The following GALNT13 variants were observed in gnomAD, a reference collection of about 807,000 sequenced individuals.
GALNT13 encodes the protein UDP-GalNAc:polypeptide N-acetylgalactosaminyltransferase 13.
GALNT13 carries 28 observed loss-of-function variants against 64.2 expected under a neutral mutation model. The observed-to-expected ratio is 0.44, with a 90% CI of 0.32 to 0.60. GALNT13 has a LOEUF of 0.60. Ranked by LOEUF, GALNT13 falls within the 20% of genes least tolerant of loss-of-function variation. The pLI, the probability that GALNT13 is intolerant of heterozygous loss-of-function variation, is 0.05. For missense variants in GALNT13, 577 were observed against 669.8 expected (o/e 0.86, Z 1.53); for synonymous variants, 214 against 224.6 (o/e 0.95, Z 0.42).
At chr2:154,319,575 G>C (rs1694511889) in intron 9 of GALNT13, among the ~76,000 whole-genome samples, 1 of 151,330 alleles carries the variant, frequency 6.6e-6, no homozygotes. Context: ...TGAGGCAGGA[G>C]AATCGCTTGA....
At chr2:154,376,192 G>A (rs79712696) in intron 9 of GALNT13, among the ~76,000 whole-genome samples, 1 of 152,052 alleles carries the variant, frequency 6.6e-6, no homozygotes, top group African/African-American at 2.4e-5. Flanking sequence ...AACAGAATGG[G>A]GTGTTTCAGT....
At chr2:153,131,673 T>C in the GALNT13 span, among the ~76,000 whole-genome samples, 4 of 152,192 alleles carry the variant, frequency 2.6e-5, no homozygotes, top group African/African-American at 7.2e-5. Flanking sequence ...ATCTGTTAGC[T>C]TAGGGTCACA....
intron 3 of GALNT13, among the ~76,000 whole-genome samples, chr2:153,996,761 G>C (rs67341405): frequency 0.12 from 18,907 of 152,096 alleles, 1,915 homozygotes; most frequent in African/African-American, 0.27. Context: ...ATTTTGTGAA[G>C]TGTTTCCCCT....
At chr2:153,966,230 T>TC (rs907094803) in intron 3 of GALNT13, among the ~76,000 whole-genome samples, 16 of 150,968 alleles carry the variant, frequency 1.1e-4, no homozygotes, top group African/African-American at 2.4e-5. Context: ...TTTTTTTTTT[T>TC]TTTTTTTTTA....
At chr2:153,651,367 C>T in the GALNT13 span, among the ~76,000 whole-genome samples, 1 of 152,042 alleles carries the variant, frequency 6.6e-6, no homozygotes, top group South Asian at 2.1e-4. Context: ...AGGGTTCATA[C>T]CTAATTATAT....
chr2:154,288,883 C>A (rs1692435470), intron 8 of GALNT13, among the ~76,000 whole-genome samples: 1 of 152,222 alleles, frequency 6.6e-6, no homozygotes, highest in Admixed American at 6.5e-5. Flanking sequence ...GGTGGATCTA[C>A]CATTCTAGGG....
the GALNT13 span, among the ~76,000 whole-genome samples, chr2:153,697,551 A>G: frequency 6.6e-6 from 1 of 152,226 alleles, no homozygotes; most frequent in Non-Finnish European, 1.5e-5. Context: ...AGAGAAAAAT[A>G]TTCTAAACAA....
At chr2:153,567,339 C>G in the GALNT13 span, among the ~76,000 whole-genome samples, 1 of 152,206 alleles carries the variant, frequency 6.6e-6, no homozygotes, top group African/African-American at 2.4e-5. Flanking sequence ...GTGAGGAATT[C>G]TGGATAGACA....
At chr2:154,097,241 C>G (rs1309674458) in intron 3 of GALNT13, among the ~76,000 whole-genome samples, 1 of 151,978 alleles carries the variant, frequency 6.6e-6, no homozygotes, top group Non-Finnish European at 1.5e-5. Context: ...CCAGGAACAT[C>G]TCTGTCCTCG....
the GALNT13 span, among the ~76,000 whole-genome samples, chr2:153,162,752 A>C: frequency 6.6e-6 from 1 of 152,228 alleles, no homozygotes; most frequent in Non-Finnish European, 1.5e-5. Context: ...AAATTCAGAA[A>C]ATGTCAAATG....
chr2:154,371,946 G>A (rs1697716445), intron 9 of GALNT13, among the ~76,000 whole-genome samples: 1 of 151,852 alleles, frequency 6.6e-6, no homozygotes, highest in Non-Finnish European at 1.5e-5. Context: ...AAGTACACAA[G>A]TTTAACCACT....
intron 3 of GALNT13, among the ~76,000 whole-genome samples, chr2:154,123,690 T>A (rs886905178): frequency 1.3e-5 from 2 of 152,038 alleles, no homozygotes; most frequent in Non-Finnish European, 2.9e-5. Flanking sequence ...TACTACCATT[T>A]AATCCAGAAA....
chr2:153,269,827 A>G, the GALNT13 span, among the ~76,000 whole-genome samples: 2 of 151,846 alleles, frequency 1.3e-5, no homozygotes, highest in African/African-American at 4.9e-5. Flanking sequence ...GTGGCAGGAA[A>G]GAGAGAGAGG....
chr2:154,042,783 C>T (rs1322472011), intron 3 of GALNT13, among the ~76,000 whole-genome samples: 1 of 149,774 alleles, frequency 6.7e-6, no homozygotes, highest in Non-Finnish European at 1.5e-5. Flanking sequence ...AATACTTGTG[C>T]CATGGCAGCA....
At chr2:153,961,266 G>T (rs918659465) in intron 3 of GALNT13, among the ~76,000 whole-genome samples, 13 of 152,176 alleles carry the variant, frequency 8.5e-5, no homozygotes, top group Non-Finnish European at 1.5e-4. Context: ...TGAATGAAAT[G>T]TCAGCACATC....
intron 9 of GALNT13, among the ~76,000 whole-genome samples, chr2:154,318,865 G>A (rs535695831): frequency 6.6e-6 from 1 of 151,932 alleles, no homozygotes; most frequent in Non-Finnish European, 1.5e-5. Flanking sequence ...TGTATTTTAA[G>A]TATACACACG....
In GALNT13 at chr2:153,997,361, T is replaced by G. The variant is rs1444608471; in HGVS notation, c.142+52722T>G. Among the ~76,000 whole-genome samples the G allele has an allele frequency of 3.3e-5, 5 of 152,250 alleles. No homozygotes were observed. The East Asian group carries it at 9.7e-4, about 29-fold the overall frequency. ...TTTTTCATTAGCATTTTTTCATTACTGTTTTATAGTTTTTGTTGTAGTGAT... is the reference window on the plus strand; with the variant it reads ...TTTTTCATTAGCATTTTTTCATTACGGTTTTATAGTTTTTGTTGTAGTGAT... On this transcript the variant is annotated intron_variant, in intron 3 of 12. Coordinates refer to ENST00000392825, the MANE Select transcript of GALNT13 (RefSeq NM_052917.4).
At chr2:153,788,068 C>T in the GALNT13 span, among the ~76,000 whole-genome samples, 1 of 152,128 alleles carries the variant, frequency 6.6e-6, no homozygotes, top group Non-Finnish European at 1.5e-5. Context: ...GGCCAATATT[C>T]AAATTCAGGA....
At chr2:153,264,408 ATCATTTGAC>A in the GALNT13 span, among the ~76,000 whole-genome samples, 1 of 152,232 alleles carries the variant, frequency 6.6e-6, no homozygotes, top group South Asian at 2.1e-4. Flanking sequence ...AGACAGAAAT[ATCATTTGAC>A]CCAGCAATCC....
Sources: allele counts gnomAD v4.1 joint callset (sites outside exome capture counted in the v4.1 genomes callset), GRCh38; gene constraint gnomAD v4.1.1; transcripts MANE v1.5; gene names NCBI Gene and HGNC (gene_info 2026-07-23, HGNC 2026-07-21).